GALNT13: variants seen among roughly 807,000 people sequenced by gnomAD.
GALNT13 encodes polypeptide N-acetylgalactosaminyltransferase 13.
In GALNT13, 28 loss-of-function variants were observed where a neutral mutation model predicts 64.2. That is an observed-to-expected ratio of 0.44 (90% CI 0.32 to 0.60). The LOEUF (loss-of-function observed/expected upper bound fraction) is 0.60. GALNT13 is among the 20% of genes least tolerant of loss of function. GALNT13 has a pLI of 0.05. For synonymous variants in GALNT13, 214 were observed against 224.6 expected, an observed-to-expected ratio of 0.95 and a Z score of 0.42; for missense variants, 577 against 669.8, an observed-to-expected ratio of 0.86 and a Z score of 1.53.
chr2:154,019,628 A>G (rs1200072159), intron 3 of GALNT13, among the ~76,000 whole-genome samples: 10 of 148,522 alleles, frequency 6.7e-5, no homozygotes, highest in Admixed American at 5.4e-4. Context: ...ACACACACAC[A>G]CACACACACA....
At chr2:153,479,351 A>G in the GALNT13 span, among the ~76,000 whole-genome samples, 1 of 152,210 alleles carries the variant, frequency 6.6e-6, no homozygotes, top group Non-Finnish European at 1.5e-5. Flanking sequence ...GAAGGAAGGA[A>G]GAAAGGAAGG....
chr2:153,125,490 C>G, the GALNT13 span, among the ~76,000 whole-genome samples: 1 of 152,194 alleles, frequency 6.6e-6, no homozygotes, highest in Non-Finnish European at 1.5e-5. Flanking sequence ...GCTGTGGACC[C>G]TGATGTTCCT....
chr2:153,347,430 A>C, the GALNT13 span, among the ~76,000 whole-genome samples: 1 of 152,190 alleles, frequency 6.6e-6, no homozygotes, highest in South Asian at 2.1e-4. Context: ...TCCAAAGATA[A>C]GTTTATAATG....
At chr2:153,115,419 T>C in the GALNT13 span, among the ~76,000 whole-genome samples, 28,119 of 152,162 alleles carry the variant, frequency 0.18, 3,268 homozygotes, top group South Asian at 0.3. Flanking sequence ...ATCAAACCAG[T>C]GCATGGTTTT....
chr2:153,347,119 C>T, the GALNT13 span, among the ~76,000 whole-genome samples: 2 of 152,240 alleles, frequency 1.3e-5, no homozygotes, highest in African/African-American at 4.8e-5. Context: ...TACATGTATA[C>T]TCTAACAGGT....
the GALNT13 span, among the ~76,000 whole-genome samples, chr2:153,317,901 C>T: frequency 6.6e-6 from 1 of 151,922 alleles, no homozygotes; most frequent in Non-Finnish European, 1.5e-5. Flanking sequence ...AAGTGCCTTG[C>T]AGATTTTTTC....
chr2:153,396,982 GATGATGTGAA>G, the GALNT13 span, among the ~76,000 whole-genome samples: 1 of 152,106 alleles, frequency 6.6e-6, no homozygotes, highest in Non-Finnish European at 1.5e-5. Flanking sequence ...CACAAAAAAT[GATGATGTGAA>G]ATGATGGCAA....
chr2:153,902,378 A>C (rs1688294993), intron 2 of GALNT13, among the ~76,000 whole-genome samples: 2 of 152,158 alleles, frequency 1.3e-5, no homozygotes. Flanking sequence ...TTCAATTAAT[A>C]GTCCATGCTC....
the GALNT13 span, among the ~76,000 whole-genome samples, chr2:153,489,727 C>G: frequency 6.6e-6 from 1 of 152,144 alleles, no homozygotes; most frequent in Non-Finnish European, 1.5e-5. Flanking sequence ...TAGGTAAGAT[C>G]AGGTGTATAC....
the GALNT13 span, among the ~76,000 whole-genome samples, chr2:153,396,985 G>T: frequency 6.6e-6 from 1 of 152,116 alleles, no homozygotes; most frequent in Non-Finnish European, 1.5e-5. Flanking sequence ...AAAAAATGAT[G>T]ATGTGAAATG....
the GALNT13 span, among the ~76,000 whole-genome samples, chr2:153,659,925 T>C: frequency 3.3e-5 from 5 of 152,132 alleles, no homozygotes; most frequent in Non-Finnish European, 7.4e-5. Flanking sequence ...CATTTCAATA[T>C]GTTAGAGATG....
chr2:153,674,609 C>T, the GALNT13 span, among the ~76,000 whole-genome samples: 1 of 152,068 alleles, frequency 6.6e-6, no homozygotes, highest in African/African-American at 2.4e-5. Flanking sequence ...AGAAGAAAAC[C>T]TAGGCAATAC....
At chr2:153,436,811 A>G in the GALNT13 span, among the ~76,000 whole-genome samples, 1 of 151,908 alleles carries the variant, frequency 6.6e-6, no homozygotes, top group Non-Finnish European at 1.5e-5. Flanking sequence ...ACGGTTTTTC[A>G]TGTCTCTATT....
the GALNT13 span, among the ~76,000 whole-genome samples, chr2:153,487,136 A>C: frequency 2.6e-5 from 4 of 152,212 alleles, no homozygotes; most frequent in South Asian, 4.1e-4. Flanking sequence ...AAATCTCTAC[A>C]ATACCATGTT....
chr2:153,331,295 G>A, the GALNT13 span, among the ~76,000 whole-genome samples: 1 of 151,398 alleles, frequency 6.6e-6, no homozygotes, highest in African/African-American at 2.4e-5. Context: ...ATTCTACTAG[G>A]TGTACAGTAA....
the GALNT13 span, among the ~76,000 whole-genome samples, chr2:153,319,263 A>G: frequency 6.6e-6 from 1 of 152,084 alleles, no homozygotes; most frequent in African/African-American, 2.4e-5. Context: ...CATTTTCGCT[A>G]TTGTATTATT....
intron 4 of GALNT13, among the ~76,000 whole-genome samples, chr2:154,225,156 TAGATGATAGATA>T (rs1458922829): frequency 9.9e-6 from 1 of 100,630 alleles, no homozygotes; most frequent in African/African-American, 3.9e-5. Flanking sequence ...GACAGATAGA[TAGATGATAGATA>T]GATAGATAGA....
At chr2:154,176,799 C>T (rs560264697) in intron 4 of GALNT13, among the ~76,000 whole-genome samples, 1 of 152,216 alleles carries the variant, frequency 6.6e-6, no homozygotes, top group South Asian at 2.1e-4. Flanking sequence ...TAATATATCT[C>T]ATTTAACATG....
intron 4 of GALNT13, among the ~76,000 whole-genome samples, chr2:154,165,706 G>T (rs1684984664): frequency 1.3e-5 from 2 of 152,176 alleles, no homozygotes; most frequent in African/African-American, 4.8e-5. Flanking sequence ...TCTGTTAGAA[G>T]AAGAGGAAAT....
Sources: gnomAD v4.1 joint callset for allele counts (sites outside exome capture counted in the v4.1 genomes callset) on GRCh38, gnomAD v4.1.1 for gene constraint, MANE v1.5 for transcripts, NCBI Gene and HGNC (gene_info 2026-07-23, HGNC 2026-07-21) for gene names.